The following GRID1 variants were observed in gnomAD, a reference collection of about 807,000 sequenced individuals.
GRID1 encodes the protein glutamate ionotropic receptor delta type subunit 1.
A neutral mutation model predicts 98.0 loss-of-function variants in GRID1; 28 were observed. The ratio of observed to expected loss-of-function variants is 0.29; its 90% CI spans 0.21 to 0.39. The LOEUF is 0.39. Ranked by LOEUF, GRID1 falls within the 10% of genes least tolerant of loss-of-function variation. The probability of loss-of-function intolerance (pLI) is 1.00; values close to 1 mark genes in which losing one functional copy is unlikely to be tolerated. For synonymous variants in GRID1, 553 were observed against 538.5 expected (o/e 1.03, Z -0.37); for missense variants, 1,111 against 1,340.5 (o/e 0.83, Z 2.67).
intron 4 of GRID1, among the ~76,000 whole-genome samples, chr10:85,917,258 TG>T (rs1017785038): frequency 1.8e-4 from 27 of 152,074 alleles, no homozygotes; most frequent in African/African-American, 6.3e-4. Flanking sequence ...ATTGGAGTCC[TG>T]TTTTTTTGTT....
intron 5 of GRID1, among the ~76,000 whole-genome samples, chr10:85,895,881 C>A (rs1675961518): frequency 6.6e-6 from 1 of 151,990 alleles, no homozygotes; most frequent in African/African-American, 2.4e-5. Flanking sequence ...ATAAAAGGGC[C>A]ACAAGAGTCA....
intron 3 of GRID1, among the ~76,000 whole-genome samples, chr10:86,194,926 C>T (rs1404345695): frequency 1.3e-5 from 2 of 152,082 alleles, no homozygotes; most frequent in African/African-American, 4.8e-5. Flanking sequence ...GGGACCATGC[C>T]TGCCTTGCTC....
chr10:86,081,615 C>A (rs1046715490), intron 4 of GRID1, among the ~76,000 whole-genome samples: 6 of 152,178 alleles, frequency 3.9e-5, no homozygotes, highest in African/African-American at 1.4e-4. Context: ...GTGAAAGTAA[C>A]TAAAATGTCC....
At chr10:86,361,441 G>A (rs1564748829) in intron 2 of GRID1, among the ~76,000 whole-genome samples, 2 of 152,202 alleles carry the variant, frequency 1.3e-5, no homozygotes, top group Non-Finnish European at 2.9e-5. Context: ...CTAGACAACT[G>A]TCAACCAAGA....
At chr10:86,268,166 A>C (rs548318668) in intron 2 of GRID1, among the ~76,000 whole-genome samples, 140 of 152,326 alleles carry the variant, frequency 9.2e-4, no homozygotes, top group Non-Finnish European at 1.7e-3. Context: ...GTCACCACTG[A>C]TGGGAGCTTT....
chr10:85,911,011 A>G (rs1358691818), intron 5 of GRID1, among the ~76,000 whole-genome samples: 1 of 152,054 alleles, frequency 6.6e-6, no homozygotes, highest in Admixed American at 6.5e-5. Flanking sequence ...GAAAGAAGTC[A>G]CTCATCCATT....
chr10:86,235,599 T>A (rs184449640), intron 2 of GRID1, among the ~76,000 whole-genome samples: 2 of 152,244 alleles, frequency 1.3e-5, no homozygotes, highest in African/African-American at 4.8e-5. Flanking sequence ...TCTGTCTCTA[T>A]AGTTTTGCCT....
intron 4 of GRID1, among the ~76,000 whole-genome samples, chr10:86,044,821 T>C (rs1161904409): frequency 1.3e-5 from 2 of 151,746 alleles, no homozygotes; most frequent in Admixed American, 1.3e-4. Flanking sequence ...TTTTGCAGGT[T>C]ATCTCATACA....
chr10:86,139,086 G>T (rs1844974761), intron 3 of GRID1, 62 bp from the exon 4 acceptor site: 2 of 1,195,780 alleles, frequency 1.7e-6, no homozygotes, highest in Non-Finnish European at 1.2e-6. Context: ...GCACCCGGGA[G>T]GGTGTCTAAC....
intron 4 of GRID1, among the ~76,000 whole-genome samples, chr10:86,056,683 C>A (rs1843576964): frequency 6.6e-6 from 1 of 152,358 alleles, no homozygotes; most frequent in East Asian, 1.9e-4. Context: ...GGCAGCAGCT[C>A]CCTGCATGCA....
intron 2 of GRID1, among the ~76,000 whole-genome samples, chr10:86,291,080 C>T (rs901253316): frequency 3.9e-5 from 6 of 152,204 alleles, no homozygotes; most frequent in Non-Finnish European, 5.9e-5. Context: ...TGGAAGTCTG[C>T]GCTGCTCTGC....
chr10:86,026,915 G>T (rs1228988255), intron 4 of GRID1, among the ~76,000 whole-genome samples: 1 of 152,186 alleles, frequency 6.6e-6, no homozygotes, highest in African/African-American at 2.4e-5. Context: ...GGCCTGTAAA[G>T]TAGGAGAGCA....
chr10:86,321,879 G>A (rs914251678), intron 2 of GRID1, among the ~76,000 whole-genome samples: 1 of 152,080 alleles, frequency 6.6e-6, no homozygotes, highest in Non-Finnish European at 1.5e-5. Flanking sequence ...TCACAGATAG[G>A]ACAACAGAAA....
intron 4 of GRID1, among the ~76,000 whole-genome samples, chr10:86,109,343 C>T (rs1041355936): frequency 3.3e-5 from 5 of 152,214 alleles, no homozygotes; most frequent in South Asian, 2.1e-4. Context: ...CGCCACCGCC[C>T]AGGGTGAACA....
chr10:85,895,719 T>C (rs1206248156), intron 5 of GRID1, among the ~76,000 whole-genome samples: 2 of 152,178 alleles, frequency 1.3e-5, no homozygotes, highest in Non-Finnish European at 2.9e-5. Flanking sequence ...CATATTAAAC[T>C]GAACCATTAA....
chr10:85,998,092 G>C (rs1310945445), intron 4 of GRID1, among the ~76,000 whole-genome samples: 2 of 152,018 alleles, frequency 1.3e-5, no homozygotes, highest in African/African-American at 4.8e-5. Context: ...AGATTTAATA[G>C]ACAAAAAAAT....
intron 4 of GRID1, among the ~76,000 whole-genome samples, chr10:85,942,296 C>G (rs544366255): frequency 6.6e-6 from 1 of 152,224 alleles, no homozygotes; most frequent in Non-Finnish European, 1.5e-5. Context: ...CTCCTACCCC[C>G]ACCCTGCCAA....
At chr10:86,157,073 A>T (rs11201916) in intron 3 of GRID1, among the ~76,000 whole-genome samples, 30,445 of 152,108 alleles carry the variant, frequency 0.2, 3,439 homozygotes, top group Middle Eastern at 0.32. Flanking sequence ...GGAGGCTTCC[A>T]AACAGGACCT....
chr10:86,123,013 G>C lies in GRID1; in HGVS notation c.726+15806C>G, dbSNP rs141875691. Among the ~76,000 whole-genome samples the C allele has an allele frequency of 5.2e-3, 795 of 152,364 alleles. 9 individuals carry two copies. Among genetic ancestry groups the C allele is most frequent in the African/African-American group, 0.018 (757 of 41,596 alleles). On this transcript the variant is annotated intron_variant, in intron 4 of 15. Transcript: ENST00000327946. ...CAAGGGACCCAAGCATCATTGCAAA[G>C]GCTCTGAAAGGTGCCCAGCTTTGAG...
Sources: gnomAD v4.1 joint callset for allele counts (sites outside exome capture counted in the v4.1 genomes callset) on GRCh38, gnomAD v4.1.1 for gene constraint, MANE v1.5 for transcripts, NCBI Gene and HGNC (gene_info 2026-07-23, HGNC 2026-07-21) for gene names.